PRICKLE2: variants seen among roughly 807,000 people sequenced by gnomAD.
PRICKLE2 encodes prickle planar cell polarity protein 2, also known as prickle-like protein 2.
In PRICKLE2, 21 loss-of-function variants were observed where a neutral mutation model predicts 81.4. The ratio of observed to expected loss-of-function variants is 0.26; its 90% CI spans 0.18 to 0.37. The LOEUF is 0.37. Ranked by LOEUF, PRICKLE2 falls within the 10% of genes least tolerant of loss-of-function variation. The probability of loss-of-function intolerance (pLI) is 1.00; values close to 1 mark genes in which losing one functional copy is unlikely to be tolerated. For synonymous variants in PRICKLE2, 456 were observed against 421.5 expected, an observed-to-expected ratio of 1.08 and a Z score of -1.00; for missense variants, 940 against 1,109.0, an observed-to-expected ratio of 0.85 and a Z score of 2.16.
chr3:64,216,119 C>T (rs1282597747), intron 1 of PRICKLE2, among the ~76,000 whole-genome samples: 1 of 152,218 alleles, frequency 6.6e-6, no homozygotes, highest in Non-Finnish European at 1.5e-5. Flanking sequence ...CTGCATTTCT[C>T]TGGGCTATCT....
chr3:64,099,978 G>A lies in PRICKLE2; in HGVS notation c.1661-53C>T, dbSNP rs2076630271. On this transcript the variant is annotated intron_variant, in intron 7 of 7. Transcript: ENST00000638394. The surrounding 1 kb of genome is among the most constrained non-coding windows in gnomAD (Gnocchi z 4.3). ...GATTAATACAGATGTGCAGCAATGG[G>A]TATCACTGTCACTGCTGGTCATCTA... 4 of 1,569,912 alleles carry A rather than the reference G, an allele frequency of 2.5e-6. No individual in the cohort carries two copies. The highest frequency in any genetic ancestry group is 3.5e-6 in the Non-Finnish European group (4 of 1,141,810).
chr3:64,226,463 C>G (rs975969199), upstream of PRICKLE2, among the ~76,000 whole-genome samples: 3 of 152,200 alleles, frequency 2.0e-5, no homozygotes. Flanking sequence ...CTGTACCATT[C>G]ACTCATTCAA....
At chr3:64,150,892 T>C (rs1421042063) in intron 6 of PRICKLE2, among the ~76,000 whole-genome samples, 1 of 152,246 alleles carries the variant, frequency 6.6e-6, no homozygotes, top group Non-Finnish European at 1.5e-5. Context: ...TAAACATCGA[T>C]GTCAGATGGT....
chr3:64,206,635 A>G (rs547298610), intron 1 of PRICKLE2, among the ~76,000 whole-genome samples: 1 of 152,312 alleles, frequency 6.6e-6, no homozygotes, highest in South Asian at 2.1e-4. Context: ...TGGCTAGATC[A>G]GGTTCAGGCC....
intron 1 of PRICKLE2, among the ~76,000 whole-genome samples, chr3:64,203,749 A>G (rs1022187531): frequency 1.3e-5 from 2 of 151,708 alleles, no homozygotes; most frequent in Admixed American, 6.6e-5. Context: ...TGGATGGATC[A>G]CTTGAGGCCA....
At chr3:64,110,717 C>T (rs916542909) in intron 7 of PRICKLE2, among the ~76,000 whole-genome samples, 5 of 152,010 alleles carry the variant, frequency 3.3e-5, no homozygotes, top group South Asian at 4.2e-4. Context: ...GAAGGTGCCA[C>T]GAGCTCTAAG....
At chr3:64,103,719 C>T (rs1011134395) in intron 7 of PRICKLE2, among the ~76,000 whole-genome samples, 3 of 152,278 alleles carry the variant, frequency 2.0e-5, no homozygotes, top group Admixed American at 6.5e-5. Flanking sequence ...GTGGCTCATG[C>T]CTGTAATCCC....
rs934914001 is a variant in PRICKLE2, at chr3:64,096,465, T to C, written c.*2586A>G. The C allele has an allele frequency of 2.6e-5, 4 of 152,212 alleles. No homozygotes were observed. The highest frequency in any genetic ancestry group is 2.6e-4 in the Admixed American group (4 of 15,276). The allele number at this position is 152,212 out of a possible 1,614,324, so 9.4% of individuals were successfully genotyped here. A position where few individuals can be genotyped will look rare whatever the true frequency, so the allele number is the denominator to read the frequency against. On this transcript the variant is annotated 3_prime_UTR_variant, in exon 8 of 8. Transcript: ENST00000638394. The stretch of plus-strand genomic sequence containing the variant: ...TCCTTCTCCTCAATAGGGCATTCGC[T>C]TGGGGGTTCTGCCATCATTGTAAGG...
chr3:64,117,566 C>T (rs532727448), intron 7 of PRICKLE2, among the ~76,000 whole-genome samples: 1 of 152,056 alleles, frequency 6.6e-6, no homozygotes, highest in East Asian at 1.9e-4. Flanking sequence ...AATAGTCAAG[C>T]CAAAAGCCAG....
At position 64,231,871 on chromosome 3, in the gene PRICKLE2, T is replaced by A. The variant is rs149956397; in HGVS notation, c.129-32904A>T. Among the ~76,000 whole-genome samples the A allele has an allele frequency of 3.3e-4, 51 of 152,280 alleles. No homozygotes were observed. In the East Asian group the frequency reaches 9.7e-3, roughly 29 times the overall value. On this transcript the variant is annotated intron_variant, in intron 2 of 8. Transcript: ENST00000295902. ...ATGATGCAAGGGTCCACAGCTGAAG[T>A]TTGGTCTTGGGTCTGACGACAAAAC...
chr3:64,125,944 T>C (rs959020209), intron 7 of PRICKLE2, among the ~76,000 whole-genome samples: 1 of 151,934 alleles, frequency 6.6e-6, no homozygotes. Context: ...CAAAACATTA[T>C]CATGAGTCTT....
chr3:64,236,807 A>C (rs1200658770), intron 2 of PRICKLE2, among the ~76,000 whole-genome samples: 1 of 152,222 alleles, frequency 6.6e-6, no homozygotes, highest in Non-Finnish European at 1.5e-5. Flanking sequence ...AAAAACATGA[A>C]TGACGGTGAC....
chr3:64,214,816 A>G (rs190529350), intron 1 of PRICKLE2, among the ~76,000 whole-genome samples: 1 of 152,282 alleles, frequency 6.6e-6, no homozygotes, highest in East Asian at 1.9e-4. Context: ...AGCCTGCTAG[A>G]TGTAGCAACG....
chr3:64,101,634 CATAA>C (rs1358998058), intron 7 of PRICKLE2: 1 of 152,112 alleles, frequency 6.6e-6, no homozygotes, highest in Non-Finnish European at 1.5e-5. Context: ...TAAATAAAAA[CATAA>C]ATAAATACAC....
chr3:64,138,043 A>G (rs1021392994), intron 7 of PRICKLE2, among the ~76,000 whole-genome samples: 12 of 151,992 alleles, frequency 7.9e-5, no homozygotes, highest in Non-Finnish European at 1.5e-4. Context: ...GAAATACATA[A>G]TGGGTGTTTG....
At position 64,146,934 on chromosome 3, in the gene PRICKLE2, C is replaced by T. The variant is rs199925718; in HGVS notation, c.1556G>A (p.Arg519Gln). The change falls in exon 7 of 8, where the codon CGG becomes CAG. Residue 519 changes from arginine to glutamine, a missense_variant. Physicochemically the swap from Arg to Gln is conservative, Grantham distance 43. Coordinates refer to ENST00000638394, the MANE Select transcript of PRICKLE2 (RefSeq NM_198859.4). ...CAGGGAACTGATGGGATGACGGGTC[C>T]GACACTGCTGAGTGGACAAGCCCCC... ...EEGGLSTQQC[R>Q]TRHPISSLKY... The T allele has an allele frequency of 1.4e-5, 22 of 1,614,048 alleles. No individual in the cohort carries two copies. The East Asian group carries it at 1.6e-4, about 11-fold the overall frequency.
chr3:64,200,404 G>A (rs909140403), intron 1 of PRICKLE2: 4 of 152,158 alleles, frequency 2.6e-5, no homozygotes, highest in Admixed American at 1.3e-4. Flanking sequence ...TGGCTTTTAT[G>A]AATAATGATG....
At chr3:64,120,978 C>T (rs1313063378) in intron 7 of PRICKLE2, among the ~76,000 whole-genome samples, 1 of 152,214 alleles carries the variant, frequency 6.6e-6, no homozygotes, top group Non-Finnish European at 1.5e-5. Context: ...AGACCTTGAA[C>T]AGGGCCATGA....
intron 2 of PRICKLE2, among the ~76,000 whole-genome samples, chr3:64,170,290 G>C (rs757761154): frequency 6.6e-6 from 1 of 152,174 alleles, no homozygotes; most frequent in Non-Finnish European, 1.5e-5. Flanking sequence ...TATTTTCAAA[G>C]AAGACTCTTT....
Sources: allele counts gnomAD v4.1 joint callset (sites outside exome capture counted in the v4.1 genomes callset), GRCh38; gene constraint gnomAD v4.1.1; non-coding constraint Gnocchi (gnomAD v3.1); transcripts MANE v1.5; gene names NCBI Gene and HGNC (gene_info 2026-07-23, HGNC 2026-07-21).